The following THRB variants were observed in gnomAD, a reference collection of about 807,000 sequenced individuals.
The protein encoded by THRB is nuclear receptor subfamily 1 group A member 2.
A neutral mutation model predicts 47.8 loss-of-function variants in THRB; 12 were observed. The observed-to-expected ratio is 0.25, with a 90% CI of 0.16 to 0.41. The LOEUF is 0.41. Among genes scored for constraint, THRB ranks in the 10% least tolerant of loss-of-function variants. THRB has a pLI of 1.00. For synonymous variants in THRB, 218 were observed against 212.2 expected, an observed-to-expected ratio of 1.03 and a Z score of -0.24; for missense variants, 348 against 589.2, an observed-to-expected ratio of 0.59 and a Z score of 4.24.
At chr3:24,322,130 C>T (rs988382075) in intron 2 of THRB, among the ~76,000 whole-genome samples, 8 of 151,684 alleles carry the variant, frequency 5.3e-5, no homozygotes, top group African/African-American at 1.9e-4. Flanking sequence ...TATTTTAAGG[C>T]ATATTTATAA....
At chr3:24,471,984 C>A (rs1301627373) in intron 1 of THRB, among the ~76,000 whole-genome samples, 1 of 152,172 alleles carries the variant, frequency 6.6e-6, no homozygotes, top group African/African-American at 2.4e-5. Context: ...ACCCTCAAAA[C>A]CTTCAGACCA....
intron 8 of THRB, among the ~76,000 whole-genome samples, chr3:24,142,095 T>C (rs58349927): frequency 0.018 from 2,783 of 152,276 alleles, 69 homozygotes; most frequent in East Asian, 0.052. Flanking sequence ...CAAGATTGCA[T>C]AGGGTAGTGG....
chr3:24,128,817 C>A, intron 9 of THRB, among the ~76,000 whole-genome samples: 1 of 143,398 alleles, frequency 7.0e-6, no homozygotes, highest in East Asian at 2.2e-4. Context: ...GGATTTGAAA[C>A]TGGATCTGTC....
intron 2 of THRB, among the ~76,000 whole-genome samples, chr3:24,320,343 A>G (rs1016737141): frequency 6.6e-6 from 1 of 152,182 alleles, no homozygotes; most frequent in Non-Finnish European, 1.5e-5. Flanking sequence ...ATAAGAGTTG[A>G]ACCGGATTAT....
chr3:24,417,595 T>C (rs890978348), intron 1 of THRB, among the ~76,000 whole-genome samples: 3 of 151,876 alleles, frequency 2.0e-5, no homozygotes, highest in Non-Finnish European at 4.4e-5. Flanking sequence ...CTAGGGTTAA[T>C]AAGGCATTCC....
chr3:24,412,490 ACTTCT>A (rs1019838878), intron 1 of THRB, among the ~76,000 whole-genome samples: 44 of 151,860 alleles, frequency 2.9e-4, no homozygotes, highest in African/African-American at 9.7e-4. Context: ...AAGTTATCTC[ACTTCT>A]CTTCATGTAT....
chr3:24,480,855 G>T (rs1249244981), intron 1 of THRB, among the ~76,000 whole-genome samples: 1 of 152,164 alleles, frequency 6.6e-6, no homozygotes, highest in African/African-American at 2.4e-5. Flanking sequence ...AGAAAGCCAG[G>T]CATTGTGAAA....
chr3:24,125,336 G>A (rs556575489), intron 10 of THRB, among the ~76,000 whole-genome samples: 3 of 152,164 alleles, frequency 2.0e-5, no homozygotes, highest in Non-Finnish European at 4.4e-5. Context: ...GCACCACACC[G>A]AATCTCTCTC....
chr3:24,350,509 A>C (rs2063296414), intron 1 of THRB, among the ~76,000 whole-genome samples: 1 of 152,180 alleles, frequency 6.6e-6, no homozygotes, highest in Non-Finnish European at 1.5e-5. Flanking sequence ...GTCAGAAATG[A>C]TAGAGTCTTC....
intron 6 of THRB, among the ~76,000 whole-genome samples, chr3:24,147,088 T>G (rs2036197004): frequency 6.6e-6 from 1 of 152,248 alleles, no homozygotes; most frequent in Non-Finnish European, 1.5e-5. Context: ...AGTAGGAACA[T>G]CTAGCGCTTG....
At chr3:24,458,731 G>C (rs964877202) in intron 1 of THRB, 2 of 152,116 alleles carry the variant, frequency 1.3e-5, no homozygotes, top group African/African-American at 4.8e-5. Context: ...TTTAAGTACT[G>C]AGAAAATTAA....
intron 4 of THRB, among the ~76,000 whole-genome samples, chr3:24,209,588 C>A (rs1354506493): frequency 6.6e-6 from 1 of 152,118 alleles, no homozygotes; most frequent in South Asian, 2.1e-4. Flanking sequence ...AAAAACCAAA[C>A]ACCCCATGTT....
chr3:24,225,522 T>A (rs926880136), intron 4 of THRB, among the ~76,000 whole-genome samples: 1 of 152,194 alleles, frequency 6.6e-6, no homozygotes, highest in African/African-American at 2.4e-5. Context: ...TTATGCCATA[T>A]CCTAATATCA....
chr3:24,185,864 G>A (rs753191839), intron 5 of THRB, among the ~76,000 whole-genome samples: 1 of 152,144 alleles, frequency 6.6e-6, no homozygotes, highest in East Asian at 1.9e-4. Context: ...GTGAAGCCTT[G>A]TAAGACTTCA....
intron 3 of THRB, among the ~76,000 whole-genome samples, chr3:24,239,762 T>C (rs2049287295): frequency 6.6e-6 from 1 of 152,128 alleles, no homozygotes; most frequent in Non-Finnish European, 1.5e-5. Flanking sequence ...TTTCCTGCAA[T>C]GTGATGGCTT....
Position 24,261,459 on chromosome 3 carries a change from A to G in THRB, c.-42-32458T>C, listed in dbSNP as rs148423348. 8.4e-3 allele frequency among the ~76,000 whole-genome samples: 1,186 copies of G among 141,574 alleles called. 15 individuals are homozygous for G. The highest frequency in any genetic ancestry group is 0.029 in the African/African-American group (1,121 of 38,000). 92.9% of individuals were successfully genotyped at this position (141,574 alleles called of 152,430 possible). ...GGTTGCAGTGAGCGGAGATCGTGCC[A>G]CTGCACTCCAGCCTGACAACAGAGC... On this transcript the variant is annotated intron_variant, in intron 3 of 10. Coordinates refer to ENST00000646209, the MANE Select transcript of THRB (RefSeq NM_001354712.2).
chr3:24,231,087 A>G (rs986446504), intron 3 of THRB, among the ~76,000 whole-genome samples: 5 of 152,174 alleles, frequency 3.3e-5, no homozygotes, highest in Non-Finnish European at 7.4e-5. Flanking sequence ...TTGGCTATTC[A>G]GCCCTTCCTT....
chr3:24,327,671 A>G (rs1256177093), intron 2 of THRB, among the ~76,000 whole-genome samples: 1 of 152,240 alleles, frequency 6.6e-6, no homozygotes, highest in Non-Finnish European at 1.5e-5. Context: ...TAAATAAACT[A>G]TATTTTATGT....
Position 24,122,892 on chromosome 3 carries a change from C to T in THRB, c.1378G>A (p.Glu460Lys), listed in dbSNP as rs1553609090. The change falls in exon 11 of 11, where the codon GAG becomes AAG. Residue 460 changes from glutamate (E) to lysine (K), a missense_variant. Physicochemically the swap from Glu to Lys is moderately conservative, Grantham distance 56. Transcript: ENST00000646209. The stretch of plus-strand genomic sequence containing the variant: ...GAATGAATCCAGTCAGTCTAATCCT[C>T]GAACACTTCCAAGAACAAAGGGGGG... ...LFPPLFLEVFED is the reference protein window; with the variant it reads ...LFPPLFLEVFKD 3 of 1,614,160 alleles carry T rather than the reference C, an allele frequency of 1.9e-6. No individual in the cohort carries two copies. The highest frequency in any genetic ancestry group is 2.5e-6 in the Non-Finnish European group (3 of 1,180,034).
Sources: gnomAD v4.1 joint callset for allele counts (sites outside exome capture counted in the v4.1 genomes callset) on GRCh38, gnomAD v4.1.1 for gene constraint, MANE v1.5 for transcripts, NCBI Gene and HGNC (gene_info 2026-07-23, HGNC 2026-07-21) for gene names.